The following TBC1D4 variants were observed in gnomAD, a reference collection of about 807,000 sequenced individuals.
The protein encoded by TBC1D4 is TBC (Tre-2, BUB2, CDC16) domain-containing protein.
A neutral mutation model predicts 142.5 loss-of-function variants in TBC1D4; 121 were observed. That is an observed-to-expected ratio of 0.85 (90% CI 0.73 to 0.99). The LOEUF is 0.99. TBC1D4 is among the 50% of genes least tolerant of loss of function. The pLI is 0.00. For missense variants in TBC1D4, 1,475 were observed against 1,606.6 expected, an observed-to-expected ratio of 0.92 and a Z score of 1.40; for synonymous variants, 630 against 628.2, an observed-to-expected ratio of 1.00 and a Z score of -0.04.
At chr13:75,313,454 T>C (rs534136728) in intron 12 of TBC1D4, among the ~76,000 whole-genome samples, 131 of 152,328 alleles carry the variant, frequency 8.6e-4, no homozygotes, top group African/African-American at 3.0e-3. Context: ...GTAGGTGATA[T>C]ACTAAGAAAA....
chr13:75,428,018 T>C (rs1270977410), intron 1 of TBC1D4, among the ~76,000 whole-genome samples: 1 of 152,114 alleles, frequency 6.6e-6, no homozygotes, highest in East Asian at 1.9e-4. Flanking sequence ...TAAAATAACA[T>C]CAGGAAGCAA....
In TBC1D4 at chr13:75,295,072, C is replaced by T. The variant is rs983835122; in HGVS notation, c.3157-59G>A. 3 of 1,464,698 alleles carry T rather than the reference C, an allele frequency of 2.0e-6. No individual in the cohort carries two copies. The African/African-American group carries it at 4.2e-5, about 20-fold the overall frequency. 90.7% of individuals were successfully genotyped at this position (1,464,698 alleles called of 1,614,324 possible). ...TGCATTTATCTGCATGTGCATCAAA[C>T]ACACTGATTTTAATTTTATTCTAAT... On this transcript the variant is annotated intron_variant, in intron 17 of 20. Coordinates refer to ENST00000377636, the MANE Select transcript of TBC1D4 (RefSeq NM_014832.5).
chr13:75,409,946 T>C (rs1885543900), intron 1 of TBC1D4, among the ~76,000 whole-genome samples: 2 of 152,304 alleles, frequency 1.3e-5, no homozygotes, highest in Admixed American at 6.5e-5. Flanking sequence ...TCTGACCCAC[T>C]TGACAGATGT....
At chr13:75,356,844 TC>T (rs1230045914) in intron 3 of TBC1D4, among the ~76,000 whole-genome samples, 1 of 151,954 alleles carries the variant, frequency 6.6e-6, no homozygotes, top group Non-Finnish European at 1.5e-5. Context: ...CTAAATAACC[TC>T]CCTATATCCC....
chr13:75,334,452 CTA>C (rs2138046751), intron 8 of TBC1D4, among the ~76,000 whole-genome samples: 1 of 131,712 alleles, frequency 7.6e-6, no homozygotes, highest in African/African-American at 2.5e-5. Flanking sequence ...ATATATATTT[CTA>C]TATGATTGTA....
At chr13:75,291,673 T>C (rs1875325757) in intron 19 of TBC1D4, among the ~76,000 whole-genome samples, 1 of 152,168 alleles carries the variant, frequency 6.6e-6, no homozygotes, top group East Asian at 1.9e-4. Flanking sequence ...GGCTGATGTG[T>C]GCAAGCCAAA....
chr13:75,306,527 A>G, intron 14 of TBC1D4, 56 bp from the exon 15 acceptor site: 1 of 1,596,120 alleles, frequency 6.3e-7, no homozygotes, highest in South Asian at 1.1e-5. Flanking sequence ...GTAAAACTTT[A>G]GACGTTTGAT....
intron 8 of TBC1D4, among the ~76,000 whole-genome samples, chr13:75,336,266 G>A (rs561188829): frequency 6.0e-4 from 92 of 152,074 alleles, no homozygotes; most frequent in East Asian, 2.5e-3. Flanking sequence ...GCGTGGTGGC[G>A]CGCACCTGTA....
intron 1 of TBC1D4, among the ~76,000 whole-genome samples, chr13:75,386,410 A>G (rs1233028810): frequency 1.4e-5 from 2 of 141,828 alleles, no homozygotes; most frequent in African/African-American, 5.6e-5. Flanking sequence ...TTTTTTTCAG[A>G]TGGAGTCTCA....
intron 1 of TBC1D4, among the ~76,000 whole-genome samples, chr13:75,454,957 C>T (rs566670220): frequency 6.6e-6 from 1 of 152,300 alleles, no homozygotes; most frequent in African/African-American, 2.4e-5. Context: ...TAAGTACTCT[C>T]TGGGAAAAAT....
chr13:75,356,007 G>A, intron 4 of TBC1D4, 140 bp downstream of exon 4: 1 of 713,360 alleles, frequency 1.4e-6, no homozygotes, highest in Non-Finnish European at 2.5e-6. Context: ...GTGCTGCTTT[G>A]AAGGGGAGGA....
Position 75,359,764 on chromosome 13 carries a change from C to A in TBC1D4, c.1170+5G>T. On this transcript the variant is annotated splice_donor_5th_base_variant and intron_variant, in intron 3 of 20. Coordinates refer to ENST00000377636, the MANE Select transcript of TBC1D4 (RefSeq NM_014832.5). Reference sequence around the variant, plus strand: ...TCACATACTATGATATACTTTGATACATACCTGAGAACAAGAGGAGATATC... The same window carrying A: ...TCACATACTATGATATACTTTGATAAATACCTGAGAACAAGAGGAGATATC... 1 of 1,599,932 alleles carries A rather than the reference C, an allele frequency of 6.3e-7. No homozygotes were observed. The highest frequency in any genetic ancestry group is 1.7e-4 in the Middle Eastern group (1 of 6,028).
At chr13:75,416,000 ACAC>A (rs1885900775) in intron 1 of TBC1D4, among the ~76,000 whole-genome samples, 2 of 152,208 alleles carry the variant, frequency 1.3e-5, no homozygotes, top group Middle Eastern at 3.2e-3. Context: ...ATTGTGCAAT[ACAC>A]TTTGATTTGT....
At chr13:75,390,522 A>G (rs971308367) in intron 1 of TBC1D4, among the ~76,000 whole-genome samples, 15 of 152,092 alleles carry the variant, frequency 9.9e-5, no homozygotes, top group Non-Finnish European at 2.1e-4. Flanking sequence ...ACCTTCAGCA[A>G]TTCACTCACT....
intron 1 of TBC1D4, among the ~76,000 whole-genome samples, chr13:75,395,320 T>C (rs949558752): frequency 2.0e-5 from 3 of 152,212 alleles, no homozygotes; most frequent in Admixed American, 1.3e-4. Context: ...AACAAACATG[T>C]ACAAGACTCA....
intron 1 of TBC1D4, among the ~76,000 whole-genome samples, chr13:75,459,101 A>T (rs991610539): frequency 2.0e-5 from 3 of 152,142 alleles, no homozygotes; most frequent in African/African-American, 7.2e-5. Context: ...TGCTTCCGCC[A>T]GCAAGCCCTG....
intron 3 of TBC1D4, among the ~76,000 whole-genome samples, chr13:75,357,978 T>G (rs1321249566): frequency 2.1e-5 from 3 of 145,490 alleles, no homozygotes; most frequent in Non-Finnish European, 4.5e-5. Context: ...AATTTTTGGT[T>G]TGGCTAGTTC....
chr13:75,459,748 A>G (rs1887884367), intron 1 of TBC1D4, among the ~76,000 whole-genome samples: 2 of 152,302 alleles, frequency 1.3e-5, no homozygotes, highest in South Asian at 4.1e-4. Flanking sequence ...TATACTTCTT[A>G]TAACCCTGGA....
chr13:75,454,577 C>T (rs1346344335), intron 1 of TBC1D4, among the ~76,000 whole-genome samples: 2 of 152,194 alleles, frequency 1.3e-5, no homozygotes, highest in African/African-American at 2.4e-5. Context: ...AAATTAAATA[C>T]AGATTCTACC....
Sources: allele counts gnomAD v4.1 joint callset (sites outside exome capture counted in the v4.1 genomes callset), GRCh38; gene constraint gnomAD v4.1.1; transcripts MANE v1.5; gene names NCBI Gene and HGNC (gene_info 2026-07-23, HGNC 2026-07-21).